The following PICALM variants were observed in gnomAD, a reference collection of about 807,000 sequenced individuals.
PICALM encodes phosphatidylinositol-binding clathrin assembly protein.
A neutral mutation model predicts 80.5 loss-of-function variants in PICALM; 40 were observed. The ratio of observed to expected loss-of-function variants is 0.50; its 90% CI spans 0.39 to 0.65. The LOEUF is 0.65. PICALM is among the 30% of genes least tolerant of loss of function. The pLI is 0.00. For synonymous variants in PICALM, 288 were observed against 260.3 expected, an observed-to-expected ratio of 1.11 and a Z score of -1.02; for missense variants, 676 against 778.9, an observed-to-expected ratio of 0.87 and a Z score of 1.57.
chr11:85,981,845 A>C, intron 15 of PICALM, 27 bp downstream of exon 15: 1 of 1,612,570 alleles, frequency 6.2e-7, no homozygotes, highest in East Asian at 2.2e-5. Flanking sequence ...ACATAAAAGA[A>C]GATTAACGTA....
intron 17 of PICALM, chr11:85,978,297 C>T (rs1490113547): frequency 4.4e-6 from 2 of 455,032 alleles, no homozygotes; most frequent in African/African-American, 2.0e-5. Context: ...TAGTCTTTGG[C>T]CTCATCTCTT....
At chr11:86,006,014 T>C (rs2095268390) in intron 8 of PICALM, among the ~76,000 whole-genome samples, 2 of 152,216 alleles carry the variant, frequency 1.3e-5, no homozygotes, top group South Asian at 4.1e-4. Context: ...AGATACATGA[T>C]GACGGCCTGT....
At chr11:86,024,236 C>G (rs957123221) in intron 3 of PICALM, among the ~76,000 whole-genome samples, 1 of 151,504 alleles carries the variant, frequency 6.6e-6, no homozygotes, top group Non-Finnish European at 1.5e-5. Flanking sequence ...TAAGTTAGAG[C>G]GCCGTAACTC....
rs2095672126 is a variant in PICALM at position 86,027,726 on chromosome 11, G to GTAAGTAAGT, written c.274-1360_274-1359insACTTACTTA. On this transcript the variant is annotated intron_variant, in intron 2 of 19. Coordinates refer to ENST00000393346, the MANE Select transcript of PICALM (RefSeq NM_007166.4). ...TGTAGAGACAACGTCTTACTACATTGCCTAGGCTGGTCTGGAACTCTTGGG... is the reference window on the plus strand; with the variant it reads ...TGTAGAGACAACGTCTTACTACATTGTAAGTAAGTCCTAGGCTGGTCTGGAACTCTTGGG... 5.9e-5 allele frequency among the ~76,000 whole-genome samples: 9 copies of GTAAGTAAGT among 152,018 alleles called. No homozygotes were observed. The South Asian group carries it at 8.3e-4, about 14-fold the overall frequency.
chr11:86,015,067 T>A, intron 4 of PICALM, 104 bp from the exon 5 acceptor site: 1 of 658,852 alleles, frequency 1.5e-6, no homozygotes. Flanking sequence ...CAAGTTGCTA[T>A]GAAATGTCAC....
intron 1 of PICALM, among the ~76,000 whole-genome samples, chr11:86,050,268 C>T (rs1460846486): frequency 2.0e-5 from 3 of 151,216 alleles, no homozygotes; most frequent in Middle Eastern, 3.5e-3. Context: ...AAAAGGCCCC[C>T]CCAAAAAAAA....
chr11:85,999,283 G>A (rs2095072245), intron 11 of PICALM, among the ~76,000 whole-genome samples: 1 of 152,130 alleles, frequency 6.6e-6, no homozygotes. Flanking sequence ...GTGCTTTGGG[G>A]AACATATAGA....
At chr11:86,048,320 T>C (rs534790825) in intron 1 of PICALM, among the ~76,000 whole-genome samples, 1 of 152,308 alleles carries the variant, frequency 6.6e-6, no homozygotes, top group East Asian at 1.9e-4. Flanking sequence ...TAGGTTAGGC[T>C]ACTACAGAAA....
chr11:86,007,518 T>A, intron 8 of PICALM, 24 bp downstream of exon 8: 1 of 1,340,384 alleles, frequency 7.5e-7, no homozygotes, highest in Non-Finnish European at 1.1e-6. Context: ...AGATAGTGGA[T>A]TGGTATTTTA....
At position 85,976,585 on chromosome 11, in the gene PICALM, A is replaced by G. The variant is rs372236652; in HGVS notation, c.1839+38T>C. The G allele has an allele frequency of 1.5e-4, 182 of 1,227,774 alleles. 3 individuals are homozygous for G. The highest frequency in any genetic ancestry group is 1.6e-4 in the Non-Finnish European group (135 of 828,504). The allele number at this position is 1,227,774 out of a possible 1,614,324, so 76.1% of individuals were successfully genotyped here. A position where few individuals can be genotyped will look rare whatever the true frequency, so the allele number is the denominator to read the frequency against. On this transcript the variant is annotated intron_variant, in intron 18 of 19. Transcript: ENST00000393346. The stretch of plus-strand genomic sequence containing the variant: ...ATAAAAACATGTTATATATGAATCA[A>G]TATTTTTTCCAAAAGCTGTACCTAG...
chr11:86,033,050 A>C (rs954647418), intron 1 of PICALM, among the ~76,000 whole-genome samples: 1 of 152,196 alleles, frequency 6.6e-6, no homozygotes, highest in African/African-American at 2.4e-5. Context: ...AATTCAGACT[A>C]TTTGCAACAA....
intron 1 of PICALM, among the ~76,000 whole-genome samples, chr11:86,033,376 C>T (rs556163158): frequency 2.0e-5 from 3 of 152,006 alleles, no homozygotes; most frequent in East Asian, 1.9e-4. Flanking sequence ...TTCTTCCCCC[C>T]ACTGCATCAC....
Position 85,990,298 on chromosome 11 carries a change from C to G in PICALM, c.1360G>C (p.Asp454His), listed in dbSNP as rs1282348182. The G allele has an allele frequency of 5.0e-6, 8 of 1,607,144 alleles. No individual in the cohort carries two copies. Among genetic ancestry groups the G allele is most frequent in the South Asian group, 3.3e-5 (3 of 90,774 alleles). The part of the protein sequence containing the change: ...SGDVHLSISS[D>H]VSTFTTRTPT... ...GTCCTAGTAGTAAAAGTAGATACAT[C>G]TGAAGAAATGGAAAGGTGAACATCA... Residue 454 changes from aspartate to histidine, a missense_variant, in exon 13 of 20, where the codon GAT (aspartate) becomes CAT (histidine). Asp to His is a moderately conservative substitution (Grantham distance 81, BLOSUM62 -1). Around this residue, in one of 2 missense-constraint regions of PICALM, gnomAD observed 391 missense variants for 383.6 expected, o/e 1.02. Transcript: ENST00000393346.
chr11:86,045,783 T>C (rs12802399), intron 1 of PICALM, among the ~76,000 whole-genome samples: 15,380 of 152,210 alleles, frequency 0.1, 964 homozygotes, highest in Admixed American at 0.14. Flanking sequence ...GAAAGTAATA[T>C]ACATTTTAAG....
intron 1 of PICALM, among the ~76,000 whole-genome samples, chr11:86,045,602 C>A (rs898341011): frequency 4.1e-5 from 6 of 146,692 alleles, no homozygotes; most frequent in South Asian, 2.2e-4. Context: ...AAAAGTCTGA[C>A]AATTTTACTT....
chr11:86,049,077 G>C (rs1327718333), intron 1 of PICALM, among the ~76,000 whole-genome samples: 1 of 152,160 alleles, frequency 6.6e-6, no homozygotes, highest in Non-Finnish European at 1.5e-5. Context: ...TGGATCACAT[G>C]AGGCTAGGAG....
intron 12 of PICALM, among the ~76,000 whole-genome samples, chr11:85,993,422 C>A (rs114377209): frequency 0.029 from 4,418 of 150,692 alleles, 225 homozygotes; most frequent in African/African-American, 0.1. Flanking sequence ...CTTTTTTTTT[C>A]ATTATTCATT....
chr11:86,022,088 T>C (rs1352134136), intron 4 of PICALM, among the ~76,000 whole-genome samples: 1 of 152,140 alleles, frequency 6.6e-6, no homozygotes, highest in African/African-American at 2.4e-5. Flanking sequence ...CTGAAATTAG[T>C]GGTGATGTTG....
chr11:86,007,513 G>T, intron 8 of PICALM, 29 bp downstream of exon 8: 2 of 1,299,414 alleles, frequency 1.5e-6, no homozygotes, highest in Non-Finnish European at 2.2e-6. Context: ...ACAACAGATA[G>T]TGGATTGGTA....
Sources: gnomAD v4.1 joint callset for allele counts (sites outside exome capture counted in the v4.1 genomes callset) on GRCh38, gnomAD v4.1.1 for gene constraint, gnomAD v4.1.1 regional missense constraint, MANE v1.5 for transcripts, NCBI Gene and HGNC (gene_info 2026-07-23, HGNC 2026-07-21) for gene names.